ZMYM2: variants seen among roughly 807,000 people sequenced by gnomAD.
ZMYM2 encodes the protein zinc finger MYM-type containing 2.
A neutral mutation model predicts 162.8 loss-of-function variants in ZMYM2; 56 were observed. The observed-to-expected ratio is 0.34, with a 90% confidence interval of 0.28 to 0.43. ZMYM2 has a LOEUF of 0.43. Among genes scored for constraint, ZMYM2 ranks in the 20% least tolerant of loss-of-function variants. The pLI is 1.00. For synonymous variants in ZMYM2, 510 were observed against 541.6 expected (o/e 0.94, Z 0.81); for missense variants, 1,275 against 1,621.8 (o/e 0.79, Z 3.67).
chr13:19,986,280 C>T (rs1185283806), intron 2 of ZMYM2, among the ~76,000 whole-genome samples: 1 of 151,952 alleles, frequency 6.6e-6, no homozygotes. Context: ...CACCTATAGT[C>T]CTAGCTACAC....
Position 19,971,669 on chromosome 13 carries a change from G to T in ZMYM2, c.-11+11643G>T, listed in dbSNP as rs9579751. ...GTGGACTTCTCAGGCAAGAAGGATA[G>T]TAGTAGAGATGGGTAAAAGTGGACA... On this transcript the variant is annotated intron_variant, in intron 2 of 24. Coordinates refer to ENST00000610343, the MANE Select transcript of ZMYM2 (RefSeq NM_197968.4). 2.5e-3 allele frequency among the ~76,000 whole-genome samples: 376 copies of T among 152,222 alleles called. 1 individual carries two copies. Among genetic ancestry groups the T allele is most frequent in the African/African-American group, 8.4e-3 (347 of 41,544 alleles).
At chr13:19,876,228 T>C in the ZMYM2 span, among the ~76,000 whole-genome samples, 1 of 152,116 alleles carries the variant, frequency 6.6e-6, no homozygotes, top group Non-Finnish European at 1.5e-5. Flanking sequence ...GGTTTCACCA[T>C]GTTGGCCAGG....
chr13:20,013,543 G>A (rs1397411358), intron 6 of ZMYM2, among the ~76,000 whole-genome samples: 3 of 152,156 alleles, frequency 2.0e-5, no homozygotes, highest in Non-Finnish European at 4.4e-5. Flanking sequence ...TTTTACCATT[G>A]AGTCTGATGT....
chr13:19,872,103 G>A, the ZMYM2 span, among the ~76,000 whole-genome samples: 1 of 151,688 alleles, frequency 6.6e-6, no homozygotes, highest in African/African-American at 2.4e-5. Flanking sequence ...TAGAGTAGCT[G>A]GGATTACAGG....
At chr13:20,073,676 G>A (rs1005439840) in intron 21 of ZMYM2, among the ~76,000 whole-genome samples, 2 of 152,026 alleles carry the variant, frequency 1.3e-5, no homozygotes, top group Non-Finnish European at 2.9e-5. Context: ...AATTTTCCTT[G>A]ACTTAAGGAA....
intron 2 of ZMYM2, among the ~76,000 whole-genome samples, chr13:19,986,290 C>T (rs1259042560): frequency 6.6e-6 from 1 of 151,872 alleles, no homozygotes; most frequent in Admixed American, 6.6e-5. Flanking sequence ...CCTAGCTACA[C>T]AGGCAGGAGG....
At chr13:20,026,842 A>C (rs1203249940) in intron 8 of ZMYM2, 80 bp downstream of exon 8, 12 of 1,409,928 alleles carry the variant, frequency 8.5e-6, no homozygotes, top group African/African-American at 1.5e-5. Flanking sequence ...TGATGTTTTT[A>C]TGCTTGTTTT....
chr13:19,904,660 T>C, the ZMYM2 span, among the ~76,000 whole-genome samples: 1 of 152,204 alleles, frequency 6.6e-6, no homozygotes, highest in Non-Finnish European at 1.5e-5. Context: ...ATTCAACTAA[T>C]CATATATGAG....
intron 21 of ZMYM2, chr13:20,068,355 A>AT (rs1207612694): frequency 1.2e-5 from 2 of 172,918 alleles, no homozygotes; most frequent in East Asian, 2.1e-4. Flanking sequence ...AACTTAAAGG[A>AT]TTGTGAAGCT....
At chr13:20,074,916 T>C (rs1237230543) in intron 21 of ZMYM2, among the ~76,000 whole-genome samples, 1 of 152,206 alleles carries the variant, frequency 6.6e-6, no homozygotes, top group Non-Finnish European at 1.5e-5. Context: ...AAACTGCACA[T>C]TTAAAAATGG....
chr13:19,895,906 G>A, the ZMYM2 span, among the ~76,000 whole-genome samples: 1 of 151,478 alleles, frequency 6.6e-6, no homozygotes, highest in Non-Finnish European at 1.5e-5. Flanking sequence ...TAAATTAATG[G>A]ACAATGAAAC....
At chr13:19,909,224 T>G in the ZMYM2 span, among the ~76,000 whole-genome samples, 29 of 152,306 alleles carry the variant, frequency 1.9e-4, no homozygotes, top group African/African-American at 7.0e-4. Flanking sequence ...CATGAAAATA[T>G]ATGCATTAGG....
At chr13:19,994,837 T>C (rs1300916118) in intron 3 of ZMYM2, among the ~76,000 whole-genome samples, 6 of 151,944 alleles carry the variant, frequency 3.9e-5, no homozygotes, top group Admixed American at 3.9e-4. Context: ...ATTTAATTAA[T>C]TAGTTAATTT....
At chr13:20,053,764 T>C (rs542284779) in intron 14 of ZMYM2, among the ~76,000 whole-genome samples, 1 of 152,318 alleles carries the variant, frequency 6.6e-6, no homozygotes, top group East Asian at 1.9e-4. Flanking sequence ...TCAGTGTTTG[T>C]TTTTGATGTT....
chr13:20,085,053 T>A (rs1958166490), intron 24 of ZMYM2, among the ~76,000 whole-genome samples: 1 of 152,244 alleles, frequency 6.6e-6, no homozygotes, highest in Admixed American at 6.5e-5. Context: ...ATATTTCATA[T>A]ACACCTTATA....
In ZMYM2 at chr13:19,985,706, A is replaced by AG. The variant is rs553995397; in HGVS notation, c.-10-7355dup. ...AACAGGGCGAGACTTGGTCTCAAAA[A>AG]GGAAAAAAAAAAAGAAAAATTTGGC... On this transcript the variant is annotated intron_variant, in intron 2 of 24. Transcript: ENST00000610343. 9.0e-3 allele frequency among the ~76,000 whole-genome samples: 1,349 copies of AG among 149,966 alleles called. 7 individuals are homozygous for AG. The highest frequency in any genetic ancestry group is 0.014 in the Non-Finnish European group (953 of 67,538).
intron 6 of ZMYM2, among the ~76,000 whole-genome samples, chr13:20,016,613 C>G (rs1471837411): frequency 6.6e-6 from 1 of 152,094 alleles, no homozygotes; most frequent in Non-Finnish European, 1.5e-5. Flanking sequence ...TTTTGCTGGA[C>G]ATAGTATTCT....
In ZMYM2 at chr13:20,009,084, T is replaced by C. The variant is rs1266935514; in HGVS notation, c.1512+2498T>C. On this transcript the variant is annotated intron_variant, in intron 6 of 24. Coordinates refer to ENST00000610343, the MANE Select transcript of ZMYM2 (RefSeq NM_197968.4). ...AAAATAAGAAATGACAAGGTAGATA[T>C]GAAGATCAAAACAAAAGAACTTGAC... 7.9e-5 allele frequency among the ~76,000 whole-genome samples: 12 copies of C among 152,124 alleles called. No individual in the cohort carries two copies. The East Asian group carries it at 1.7e-3, about 22-fold the overall frequency.
At chr13:20,052,214 G>C (rs1223988790) in intron 13 of ZMYM2, 63 bp from the exon 14 acceptor site, 10 of 1,316,836 alleles carry the variant, frequency 7.6e-6, no homozygotes, top group African/African-American at 4.5e-5. Context: ...ATGAGAAATA[G>C]GGATTTAGAA....
Sources: gnomAD v4.1 joint callset for allele counts (sites outside exome capture counted in the v4.1 genomes callset) on GRCh38, gnomAD v4.1.1 for gene constraint, MANE v1.5 for transcripts, NCBI Gene and HGNC (gene_info 2026-07-23, HGNC 2026-07-21) for gene names.